The following UBE2K variants were observed in gnomAD, a reference collection of about 807,000 sequenced individuals.
The protein encoded by UBE2K is ubiquitin conjugating enzyme E2 K, also known as ubiquitin-conjugating enzyme E2 K.
In UBE2K, 6 loss-of-function variants were observed where a neutral mutation model predicts 30.0. The ratio of observed to expected loss-of-function variants is 0.20; its 90% CI spans 0.11 to 0.39. The LOEUF (loss-of-function observed/expected upper bound fraction) is 0.39, where lower values mean the gene tolerates loss of function less well. UBE2K is among the 10% of genes least tolerant of loss of function. The pLI is 1.00. For synonymous variants in UBE2K, 86 were observed against 83.7 expected, an observed-to-expected ratio of 1.03 and a Z score of -0.15; for missense variants, 61 against 241.6, an observed-to-expected ratio of 0.25 and a Z score of 4.96.
intron 1 of UBE2K, among the ~76,000 whole-genome samples, chr4:39,718,863 C>T (rs892076021): frequency 7.2e-5 from 11 of 152,262 alleles, no homozygotes; most frequent in Admixed American, 2.0e-4. Context: ...TGCGCAGCCC[C>T]GGTTCCCACC....
At chr4:39,719,471 CA>C (rs1239985561) in intron 1 of UBE2K, among the ~76,000 whole-genome samples, 2 of 152,134 alleles carry the variant, frequency 1.3e-5, no homozygotes, top group Admixed American at 6.5e-5. Context: ...TAAAGCACAC[CA>C]AAAAAGTCTT....
intron 1 of UBE2K, among the ~76,000 whole-genome samples, chr4:39,700,169 CT>C (rs1717928845): frequency 6.6e-6 from 1 of 152,010 alleles, no homozygotes; most frequent in African/African-American, 2.4e-5. Context: ...GGTCTCTTTG[CT>C]TTTTATGAGC....
intron 2 of UBE2K, among the ~76,000 whole-genome samples, chr4:39,742,107 C>T (rs1720733105): frequency 6.6e-6 from 1 of 151,824 alleles, no homozygotes; most frequent in Non-Finnish European, 1.5e-5. Flanking sequence ...CACACTGCTC[C>T]TAAGAGATTA....
chr4:39,740,019 A>C (rs978498486), intron 2 of UBE2K, among the ~76,000 whole-genome samples: 4 of 152,098 alleles, frequency 2.6e-5, no homozygotes, highest in African/African-American at 9.7e-5. Context: ...GGCAGTTTTC[A>C]TGGATGCTGT....
At chr4:39,746,329 A>G (rs571630341) in intron 3 of UBE2K, among the ~76,000 whole-genome samples, 19 of 152,310 alleles carry the variant, frequency 1.2e-4, no homozygotes, top group South Asian at 4.1e-4. Flanking sequence ...GGAGTATGGA[A>G]TACCCTAAGA....
At chr4:39,699,310 T>C (rs1199766442) in intron 1 of UBE2K, among the ~76,000 whole-genome samples, 1 of 151,412 alleles carries the variant, frequency 6.6e-6, no homozygotes, top group Non-Finnish European at 1.5e-5. Context: ...TTAACTTGAT[T>C]CTTACTTTTG....
intron 4 of UBE2K, among the ~76,000 whole-genome samples, chr4:39,765,192 AAC>A (rs1262075282): frequency 2.0e-5 from 3 of 152,120 alleles, no homozygotes; most frequent in Non-Finnish European, 4.4e-5. Context: ...GCCTACTTAA[AAC>A]TTTTTAAGAA....
chr4:39,701,702 T>C (rs979709367), intron 1 of UBE2K, among the ~76,000 whole-genome samples: 3 of 152,134 alleles, frequency 2.0e-5, no homozygotes, highest in African/African-American at 4.8e-5. Flanking sequence ...TTTAAACTCA[T>C]TGAAATAAGT....
intron 1 of UBE2K, among the ~76,000 whole-genome samples, chr4:39,736,185 G>C (rs1339720288): frequency 6.6e-5 from 10 of 152,108 alleles, no homozygotes; most frequent in African/African-American, 2.4e-4. Context: ...GATATAGGCC[G>C]GGCACGGTGC....
intron 1 of UBE2K, among the ~76,000 whole-genome samples, chr4:39,733,332 A>ATTTTT (rs34069872): frequency 5.4e-5 from 7 of 129,000 alleles, no homozygotes; most frequent in Admixed American, 1.7e-4. Context: ...TCGGGCTTTA[A>ATTTTT]TTTTTTTTTT....
At chr4:39,739,442 A>ATTTTTT (rs35957337) in intron 2 of UBE2K, among the ~76,000 whole-genome samples, 2 of 105,782 alleles carry the variant, frequency 1.9e-5, no homozygotes, top group African/African-American at 8.0e-5. Flanking sequence ...CTGTTTATTC[A>ATTTTTT]TTTTTTTTTT....
At chr4:39,735,462 G>A (rs1164193086) in intron 1 of UBE2K, among the ~76,000 whole-genome samples, 2 of 152,132 alleles carry the variant, frequency 1.3e-5, no homozygotes, top group Admixed American at 1.3e-4. Flanking sequence ...CTCACTGCAA[G>A]CTCCGCCTCC....
At chr4:39,765,946 C>CACACACAT (rs1560376088) in intron 4 of UBE2K, among the ~76,000 whole-genome samples, 14 of 133,642 alleles carry the variant, frequency 1.0e-4, no homozygotes, top group African/African-American at 2.1e-4. Flanking sequence ...CATACACACA[C>CACACACAT]ACACATACAC....
At chr4:39,733,608 C>T (rs1720197753) in intron 1 of UBE2K, among the ~76,000 whole-genome samples, 1 of 152,116 alleles carries the variant, frequency 6.6e-6, no homozygotes, top group Non-Finnish European at 1.5e-5. Context: ...GTTGGGATTA[C>T]AGTCGTGAGC....
At chr4:39,711,159 TTC>T (rs1718650193) in intron 1 of UBE2K, among the ~76,000 whole-genome samples, 1 of 147,690 alleles carries the variant, frequency 6.8e-6, no homozygotes, top group African/African-American at 2.6e-5. Flanking sequence ...TGGAAACTTT[TTC>T]TCTTTTTTTT....
chr4:39,743,473 G>A (rs866364974), intron 2 of UBE2K, among the ~76,000 whole-genome samples: 1 of 151,984 alleles, frequency 6.6e-6, no homozygotes, highest in Admixed American at 6.6e-5. Context: ...GCGTGGTGAC[G>A]GGCGCCTGTA....
chr4:39,746,151 G>A (rs1366749045), intron 3 of UBE2K, among the ~76,000 whole-genome samples: 18 of 152,046 alleles, frequency 1.2e-4, no homozygotes, highest in Non-Finnish European at 4.4e-5. Flanking sequence ...ACTCAAAGAA[G>A]TATGTGTTTT....
At chr4:39,770,619 C>T in intron 4 of UBE2K, 1 of 1,596,578 alleles carries the variant, frequency 6.3e-7, no homozygotes, top group Non-Finnish European at 8.5e-7. Flanking sequence ...CAGGCTCTCC[C>T]CTTCTGCGTT....
At chr4:39,700,266 A>C (rs889961983) in intron 1 of UBE2K, among the ~76,000 whole-genome samples, 16 of 152,220 alleles carry the variant, frequency 1.1e-4, no homozygotes, top group Non-Finnish European at 1.6e-4. Flanking sequence ...TATTAAAAAA[A>C]CACTGCTCTT....
Sources: gnomAD v4.1 joint callset for allele counts (sites outside exome capture counted in the v4.1 genomes callset) on GRCh38, gnomAD v4.1.1 for gene constraint, MANE v1.5 for transcripts, NCBI Gene and HGNC (gene_info 2026-07-23, HGNC 2026-07-21) for gene names.